The following PTPRN2 variants were observed in gnomAD, a reference collection of about 807,000 sequenced individuals.
The protein encoded by PTPRN2 is receptor-type tyrosine-protein phosphatase N2.
Under a neutral mutation model 118.8 loss-of-function variants are expected in PTPRN2, and 74 were observed. That is an observed-to-expected ratio of 0.62 (90% CI 0.52 to 0.76). The LOEUF (loss-of-function observed/expected upper bound fraction) is 0.76. Ranked by LOEUF, PTPRN2 falls within the 30% of genes least tolerant of loss-of-function variation. PTPRN2 has a pLI of 0.00. For synonymous variants in PTPRN2, 641 were observed against 608.0 expected (o/e 1.05, Z -0.80); for missense variants, 1,481 against 1,394.4 (o/e 1.06, Z -0.99).
intron 2 of PTPRN2, among the ~76,000 whole-genome samples, chr7:158,322,932 G>A (rs1160019530): frequency 6.6e-6 from 1 of 152,234 alleles, no homozygotes; most frequent in Non-Finnish European, 1.5e-5. Flanking sequence ...GAGGATGGTG[G>A]TCATGGAGAC....
At chr7:158,533,501 C>A (rs565765787) in intron 1 of PTPRN2, among the ~76,000 whole-genome samples, 19 of 152,208 alleles carry the variant, frequency 1.2e-4, no homozygotes, top group Non-Finnish European at 2.6e-4. Flanking sequence ...GCCAGACAGA[C>A]CTATGTCCAC....
chr7:157,597,233 C>A (rs1189827409), intron 16 of PTPRN2, among the ~76,000 whole-genome samples: 1 of 152,178 alleles, frequency 6.6e-6, no homozygotes, highest in Non-Finnish European at 1.5e-5. Flanking sequence ...TTTAGTGATT[C>A]GTAATTAAAA....
intron 2 of PTPRN2, among the ~76,000 whole-genome samples, chr7:158,405,140 T>C (rs1813309309): frequency 6.6e-6 from 1 of 152,044 alleles, no homozygotes; most frequent in African/African-American, 2.4e-5. Context: ...TTACAGGGTT[T>C]CCCCATCCAC....
At chr7:158,149,038 CT>C (rs1820563800) in intron 6 of PTPRN2, among the ~76,000 whole-genome samples, 3 of 136,388 alleles carry the variant, frequency 2.2e-5, no homozygotes, top group African/African-American at 8.6e-5. Context: ...GTGTCTTTCC[CT>C]CTCACTGACA....
In PTPRN2 at chr7:157,868,138, G is replaced by A. The variant is rs1810828773; in HGVS notation, c.1788+30535C>T. ...ACAGTTCACGAGTGGGGTGTGGGCT[G>A]TGGGTCCAGACACAGTTATCCTAAG... On this transcript the variant is annotated intron_variant, in intron 12 of 22. Transcript: ENST00000389418. This position sits in a 1 kb window ranked among gnomAD's most constrained non-coding sequence, Gnocchi z 5.2. Among the ~76,000 whole-genome samples the A allele has an allele frequency of 6.6e-6, 1 of 152,236 alleles. No homozygotes were observed. The highest frequency in any genetic ancestry group is 6.5e-5 in the Admixed American group (1 of 15,290).
intron 12 of PTPRN2, among the ~76,000 whole-genome samples, chr7:157,885,943 G>T (rs1274663016): frequency 6.6e-6 from 1 of 152,228 alleles, no homozygotes; most frequent in Admixed American, 6.5e-5. Flanking sequence ...CCGGGAGGGG[G>T]CGAGCATCAC....
chr7:158,009,355 C>T (rs1805880919), intron 11 of PTPRN2, among the ~76,000 whole-genome samples: 1 of 152,006 alleles, frequency 6.6e-6, no homozygotes, highest in Non-Finnish European at 1.5e-5. Flanking sequence ...AAGAATTTCC[C>T]AAAAGAAGTC....
intron 12 of PTPRN2, among the ~76,000 whole-genome samples, chr7:157,821,799 T>C (rs1296421493): frequency 1.3e-5 from 2 of 152,114 alleles, no homozygotes; most frequent in East Asian, 1.9e-4. Context: ...CCAATGGTTG[T>C]TGATGTCACA....
intron 14 of PTPRN2, among the ~76,000 whole-genome samples, chr7:157,630,442 T>G (rs781162320): frequency 6.6e-6 from 1 of 152,200 alleles, no homozygotes; most frequent in Admixed American, 6.5e-5. Context: ...CAGAAAGCAA[T>G]GCCCACAACG....
chr7:158,072,764 G>A (rs1308308661), intron 11 of PTPRN2, among the ~76,000 whole-genome samples: 2 of 152,226 alleles, frequency 1.3e-5, no homozygotes, highest in Non-Finnish European at 2.9e-5. Context: ...CACTCCAGCT[G>A]CTGTGTAGCC....
chr7:158,298,958 G>A (rs952068688), intron 3 of PTPRN2, among the ~76,000 whole-genome samples: 1 of 152,176 alleles, frequency 6.6e-6, no homozygotes, highest in African/African-American at 2.4e-5. Flanking sequence ...AGCCACTGCC[G>A]ATTGTCCTGG....
intron 3 of PTPRN2, among the ~76,000 whole-genome samples, chr7:158,275,224 CCA>C (rs1300464528): frequency 6.6e-6 from 1 of 152,108 alleles, no homozygotes; most frequent in Non-Finnish European, 1.5e-5. Flanking sequence ...CGCCTCGGGG[CCA>C]CAGAGACGTG....
chr7:157,648,421 C>T (rs1258933765), intron 14 of PTPRN2, among the ~76,000 whole-genome samples: 3 of 128,412 alleles, frequency 2.3e-5, no homozygotes, highest in Admixed American at 7.9e-5. Flanking sequence ...GCACTGAACT[C>T]GGTGGGTCGG....
rs78676180 is a variant in PTPRN2, at chr7:158,458,095, A to G, written c.163+31640T>C. On this transcript the variant is annotated intron_variant, in intron 2 of 22. Coordinates refer to ENST00000389418, the MANE Select transcript of PTPRN2 (RefSeq NM_002847.5). ...ACAGCTCTGCAGTGCCCAGGGTTCC[A>G]TTATGCGTCCCTCAGTGTGAAACAC... 3.9e-5 allele frequency among the ~76,000 whole-genome samples: 6 copies of G among 152,328 alleles called. No homozygotes were observed. The East Asian group carries it at 1.2e-3, about 29-fold the overall frequency.
At chr7:157,689,264 A>G (rs2150828085) in intron 12 of PTPRN2, among the ~76,000 whole-genome samples, 1 of 152,296 alleles carries the variant, frequency 6.6e-6, no homozygotes, top group South Asian at 2.1e-4. Context: ...TCGGCGACGC[A>G]AGGACAGCCT....
At chr7:158,205,071 T>C (rs1300573085) in intron 4 of PTPRN2, 100 bp downstream of exon 4, 3 of 1,011,602 alleles carry the variant, frequency 3.0e-6, no homozygotes, top group African/African-American at 3.2e-5. Flanking sequence ...AGATGGTGGG[T>C]GCTTTGCTAC....
chr7:158,052,822 T>A (rs1329158065), intron 11 of PTPRN2, among the ~76,000 whole-genome samples: 1 of 152,144 alleles, frequency 6.6e-6, no homozygotes, highest in Non-Finnish European at 1.5e-5. Flanking sequence ...TGGCCACAGT[T>A]CCCAGCCACT....
In PTPRN2 at chr7:158,123,378, CGGTGACCGACGCCAT is replaced by C. The variant is rs886932402; in HGVS notation, c.1556+10284_1556+10298del. 6.6e-5 allele frequency among the ~76,000 whole-genome samples: 10 copies of C among 152,188 alleles called. 1 individual carries two copies. Among genetic ancestry groups the C allele is most frequent in the South Asian group, 4.1e-4 (2 of 4,828 alleles). On this transcript the variant is annotated intron_variant, in intron 9 of 22. Coordinates refer to ENST00000389418, the MANE Select transcript of PTPRN2 (RefSeq NM_002847.5). The stretch of plus-strand genomic sequence containing the variant: ...GCGCCACAGTATCCTACAGACACCA[CGGTGACCGACGCCAT>C]GGTGACCGACGCCGCAGTGACCGAC...
chr7:158,031,948 G>T (rs1195260326), intron 11 of PTPRN2, among the ~76,000 whole-genome samples: 1 of 152,186 alleles, frequency 6.6e-6, no homozygotes, highest in African/African-American at 2.4e-5. Flanking sequence ...GAAGTCTCTG[G>T]GTCTCCTTTG....
Sources: gnomAD v4.1 joint callset for allele counts (sites outside exome capture counted in the v4.1 genomes callset) on GRCh38, gnomAD v4.1.1 for gene constraint, Gnocchi (gnomAD v3.1) non-coding constraint, MANE v1.5 for transcripts, NCBI Gene and HGNC (gene_info 2026-07-23, HGNC 2026-07-21) for gene names.